LRRC4C: variants seen among roughly 807,000 people sequenced by gnomAD.
The protein encoded by LRRC4C is leucine-rich repeat-containing protein 4C.
Under a neutral mutation model 33.6 loss-of-function variants are expected in LRRC4C, and 5 were observed. That is an observed-to-expected ratio of 0.15 (90% CI 0.08 to 0.31). LRRC4C has a LOEUF of 0.31. Ranked by LOEUF, LRRC4C falls within the 10% of genes least tolerant of loss-of-function variation. The pLI is 1.00. For missense variants in LRRC4C, 560 were observed against 796.7 expected (o/e 0.70, Z 3.58); for synonymous variants, 329 against 302.0 (o/e 1.09, Z -0.93).
In LRRC4C at chr11:40,991,209, A is replaced by T. The variant is rs948091525; in HGVS notation, c.-495-57486T>A. 3.6e-4 allele frequency among the ~76,000 whole-genome samples: 54 copies of T among 149,484 alleles called. 1 individual carries two copies. Among genetic ancestry groups the T allele is most frequent in the South Asian group, 2.1e-3 (10 of 4,796 alleles). On this transcript the variant is annotated intron_variant, in intron 1 of 6. Coordinates refer to ENST00000528697, the MANE Select transcript of LRRC4C (RefSeq NM_001258419.2). ...CCTGGCAGCTTCCCAATATGTAAAA[A>T]AAAAAAAAAAAAAAAAAAAATCTAA... is the stretch of plus-strand genomic sequence containing the variant.
intron 3 of LRRC4C, among the ~76,000 whole-genome samples, chr11:40,501,701 T>G (rs1954781414): frequency 6.6e-6 from 1 of 152,054 alleles, no homozygotes. Context: ...CACAAGACCA[T>G]TTTTTCCTCC....
At chr11:40,923,149 TAATTAGAAAAC>T (rs1957260863) in intron 2 of LRRC4C, among the ~76,000 whole-genome samples, 2 of 152,144 alleles carry the variant, frequency 1.3e-5, no homozygotes, top group Admixed American at 6.6e-5. Context: ...TGACCATCAC[TAATTAGAAAAC>T]ATTGTTACAT....
intron 1 of LRRC4C, among the ~76,000 whole-genome samples, chr11:41,102,340 G>T (rs935930310): frequency 6.6e-6 from 1 of 151,824 alleles, no homozygotes; most frequent in African/African-American, 2.4e-5. Context: ...ACACTCTCTA[G>T]TACTCTTGTC....
At chr11:40,874,321 C>T (rs1302089613) in intron 2 of LRRC4C, among the ~76,000 whole-genome samples, 2 of 152,040 alleles carry the variant, frequency 1.3e-5, no homozygotes, top group Admixed American at 6.6e-5. Context: ...GGATTTTATG[C>T]ATTTTTTTTT....
At chr11:40,327,821 C>T (rs1313352594) in intron 3 of LRRC4C, among the ~76,000 whole-genome samples, 2 of 151,900 alleles carry the variant, frequency 1.3e-5, no homozygotes, top group African/African-American at 2.4e-5. Context: ...AGAACTATTG[C>T]AAAAATTAAT....
chr11:40,813,376 C>T (rs1951573568), intron 2 of LRRC4C, among the ~76,000 whole-genome samples: 1 of 152,112 alleles, frequency 6.6e-6, no homozygotes, highest in Non-Finnish European at 1.5e-5. Flanking sequence ...AGAGCTTGTG[C>T]AGGGGAACTC....
At chr11:41,326,868 C>G (rs1951136578) in intron 1 of LRRC4C, among the ~76,000 whole-genome samples, 1 of 152,210 alleles carries the variant, frequency 6.6e-6, no homozygotes, top group Non-Finnish European at 1.5e-5. Flanking sequence ...TCCCGATACT[C>G]TATCACAATT....
At chr11:41,040,715 C>A (rs1857380993) in intron 1 of LRRC4C, among the ~76,000 whole-genome samples, 2 of 152,150 alleles carry the variant, frequency 1.3e-5, no homozygotes, top group Non-Finnish European at 2.9e-5. Flanking sequence ...TTCTCAACAT[C>A]CCCAATTTAT....
At chr11:40,239,896 T>C (rs1469509202) in intron 5 of LRRC4C, among the ~76,000 whole-genome samples, 1 of 152,180 alleles carries the variant, frequency 6.6e-6, no homozygotes, top group African/African-American at 2.4e-5. Flanking sequence ...TCTGAAGACA[T>C]AAAACCTTCC....
chr11:40,616,276 G>A (rs1286433682), intron 3 of LRRC4C, among the ~76,000 whole-genome samples: 4 of 151,638 alleles, frequency 2.6e-5, no homozygotes, highest in East Asian at 1.9e-4. Context: ...GCTGGAGAGG[G>A]TGTGGAGAAA....
At chr11:40,586,383 C>T (rs1266593953) in intron 3 of LRRC4C, among the ~76,000 whole-genome samples, 1 of 146,940 alleles carries the variant, frequency 6.8e-6, no homozygotes, top group African/African-American at 2.5e-5. Flanking sequence ...AGCCCTTTGT[C>T]AGATGAGTAG....
At chr11:40,533,639 T>C (rs779760292) in intron 3 of LRRC4C, among the ~76,000 whole-genome samples, 2 of 152,152 alleles carry the variant, frequency 1.3e-5, no homozygotes, top group Admixed American at 1.3e-4. Context: ...CCACACACGG[T>C]CATAAGGCTC....
intron 4 of LRRC4C, among the ~76,000 whole-genome samples, chr11:40,284,250 G>A (rs898415889): frequency 2.0e-5 from 3 of 152,166 alleles, no homozygotes; most frequent in Admixed American, 6.5e-5. Flanking sequence ...AAACTAGGCT[G>A]GCATGTCCCC....
chr11:40,205,438 A>G (rs976150331), intron 5 of LRRC4C, among the ~76,000 whole-genome samples: 3 of 152,180 alleles, frequency 2.0e-5, no homozygotes, highest in Non-Finnish European at 2.9e-5. Context: ...TCAAGAAAAA[A>G]ACACTATATA....
At chr11:40,201,723 A>G (rs1862765896) in intron 5 of LRRC4C, among the ~76,000 whole-genome samples, 1 of 152,298 alleles carries the variant, frequency 6.6e-6, no homozygotes, top group African/African-American at 2.4e-5. Flanking sequence ...GCAGAGAGGG[A>G]AATCCATTCT....
intron 1 of LRRC4C, among the ~76,000 whole-genome samples, chr11:41,308,725 G>GA (rs1314776693): frequency 2.7e-5 from 4 of 149,658 alleles, no homozygotes; most frequent in South Asian, 2.1e-4. Context: ...AACAAAACCT[G>GA]AAAAAAAAAG....
intron 1 of LRRC4C, among the ~76,000 whole-genome samples, chr11:41,012,264 A>C (rs1034710707): frequency 1.3e-5 from 2 of 152,012 alleles, no homozygotes; most frequent in Non-Finnish European, 2.9e-5. Context: ...GCCTCTGTTA[A>C]CCACCAGTTT....
intron 1 of LRRC4C, among the ~76,000 whole-genome samples, chr11:41,439,602 ATTTTCATTTTTATTACAATAACTAATTTG>A (rs999116194): frequency 6.6e-6 from 1 of 152,024 alleles, no homozygotes; most frequent in Admixed American, 6.6e-5. Context: ...TGTGGTATTT[ATTTTCATTTTTATTACAATAACTAATTTG>A]CATTGATGTT....
intron 1 of LRRC4C, among the ~76,000 whole-genome samples, chr11:41,002,403 T>C (rs2137401150): frequency 6.6e-6 from 1 of 152,300 alleles, no homozygotes; most frequent in Non-Finnish European, 1.5e-5. Flanking sequence ...CACATCCTTC[T>C]GCTGAGCAGC....
Sources: allele counts gnomAD v4.1 joint callset (sites outside exome capture counted in the v4.1 genomes callset), GRCh38; gene constraint gnomAD v4.1.1; transcripts MANE v1.5; gene names NCBI Gene and HGNC (gene_info 2026-07-23, HGNC 2026-07-21).